EPB41L4A: variants seen among roughly 807,000 people sequenced by gnomAD.
EPB41L4A encodes the protein band 4.1-like protein 4A.
In EPB41L4A, 100 loss-of-function variants were observed where a neutral mutation model predicts 108.6. That is an observed-to-expected ratio of 0.92 (90% CI 0.78 to 1.09). EPB41L4A has a LOEUF of 1.09. EPB41L4A is among the 50% of genes least tolerant of loss of function. The pLI is 0.00. For synonymous variants in EPB41L4A, 319 were observed against 289.0 expected (o/e 1.10, Z -1.05); for missense variants, 1,030 against 842.7 (o/e 1.22, Z -2.75).
chr5:112,253,684 A>G (rs1580536434), intron 9 of EPB41L4A, among the ~76,000 whole-genome samples: 1 of 152,174 alleles, frequency 6.6e-6, no homozygotes, highest in African/African-American at 2.4e-5. Context: ...AAGCTGTTCT[A>G]AAGAGAAAGG....
At chr5:112,400,490 T>C (rs1284035776) in intron 1 of EPB41L4A, among the ~76,000 whole-genome samples, 1 of 152,090 alleles carries the variant, frequency 6.6e-6, no homozygotes, top group Non-Finnish European at 1.5e-5. Context: ...CTTTTACTGA[T>C]GGTGGAAGGC....
intron 2 of EPB41L4A, among the ~76,000 whole-genome samples, chr5:112,295,493 C>A (rs1753929837): frequency 1.3e-5 from 2 of 152,200 alleles, no homozygotes; most frequent in East Asian, 3.8e-4. Flanking sequence ...TATGCTAATT[C>A]TCCTTTCCTA....
chr5:112,297,846 A>C (rs949745231), intron 2 of EPB41L4A, among the ~76,000 whole-genome samples: 1 of 152,168 alleles, frequency 6.6e-6, no homozygotes, highest in African/African-American at 2.4e-5. Flanking sequence ...ATAAGGATCC[A>C]GTTTCATTTT....
intron 1 of EPB41L4A, among the ~76,000 whole-genome samples, chr5:112,385,482 T>C (rs1760453213): frequency 6.9e-6 from 1 of 144,612 alleles, no homozygotes; most frequent in Non-Finnish European, 1.5e-5. Flanking sequence ...GCCTCTGAAC[T>C]GCCAGCCTTC....
chr5:112,258,432 A>G (rs1368141830), intron 9 of EPB41L4A, among the ~76,000 whole-genome samples: 1 of 152,254 alleles, frequency 6.6e-6, no homozygotes, highest in Non-Finnish European at 1.5e-5. Flanking sequence ...GCACAAAGTT[A>G]GTATCAAAAA....
At chr5:112,239,632 TC>T (rs1749626804) in intron 11 of EPB41L4A, 27 bp downstream of exon 11, 19 of 1,432,400 alleles carry the variant, frequency 1.3e-5, no homozygotes, top group Non-Finnish European at 1.6e-5. Flanking sequence ...TACAAACACA[TC>T]CCCCCAAGGA....
chr5:112,245,456 G>A (rs1355121319), intron 9 of EPB41L4A, among the ~76,000 whole-genome samples: 1 of 152,178 alleles, frequency 6.6e-6, no homozygotes. Context: ...CCCAACTTAG[G>A]AGTTTATTTG....
intron 13 of EPB41L4A, among the ~76,000 whole-genome samples, chr5:112,208,276 T>A (rs1365672259): frequency 6.9e-6 from 1 of 145,028 alleles, no homozygotes; most frequent in Non-Finnish European, 1.5e-5. Flanking sequence ...CACATACACT[T>A]ACATGCTCAT....
intron 1 of EPB41L4A, among the ~76,000 whole-genome samples, chr5:112,362,726 CTAAAG>C (rs1242551849): frequency 1.3e-5 from 2 of 152,188 alleles, no homozygotes; most frequent in Non-Finnish European, 2.9e-5. Flanking sequence ...CTGAAGTTCT[CTAAAG>C]TAATCATTAA....
chr5:112,210,186 T>A (rs371996226), intron 12 of EPB41L4A: 34 of 411,848 alleles, frequency 8.3e-5, no homozygotes, highest in African/African-American at 3.5e-4. Flanking sequence ...AACATAACAA[T>A]GTCCTGGGAG....
intron 4 of EPB41L4A, among the ~76,000 whole-genome samples, chr5:112,269,825 G>A (rs960635224): frequency 6.6e-6 from 1 of 152,170 alleles, no homozygotes; most frequent in African/African-American, 2.4e-5. Flanking sequence ...TCATGAAGCA[G>A]TTTCTGGTTA....
chr5:112,361,105 G>C (rs1248003112), intron 1 of EPB41L4A, among the ~76,000 whole-genome samples: 1 of 152,228 alleles, frequency 6.6e-6, no homozygotes, highest in Non-Finnish European at 1.5e-5. Flanking sequence ...AAAAGAAAGA[G>C]AGATCGGATT....
intron 1 of EPB41L4A, chr5:112,392,677 T>G (rs1195049435): frequency 6.6e-6 from 1 of 152,154 alleles, no homozygotes; most frequent in Non-Finnish European, 1.5e-5. Flanking sequence ...ATTAGACAGA[T>G]CAATGAGACA....
At chr5:112,307,168 C>A (rs918135682) in intron 2 of EPB41L4A, among the ~76,000 whole-genome samples, 9 of 152,112 alleles carry the variant, frequency 5.9e-5, no homozygotes, top group African/African-American at 1.7e-4. Context: ...TCTGCAAAGA[C>A]GACTACACAT....
At chr5:112,213,254 G>A (rs1470978823) in intron 12 of EPB41L4A, among the ~76,000 whole-genome samples, 3 of 151,994 alleles carry the variant, frequency 2.0e-5, no homozygotes, top group African/African-American at 4.8e-5. Context: ...CACTGTAGAC[G>A]AGATAAGGTA....
intron 11 of EPB41L4A, 200 bp downstream of exon 11, chr5:112,239,460 T>C: frequency 2.6e-6 from 1 of 391,512 alleles, no homozygotes; most frequent in Admixed American, 4.5e-5. Flanking sequence ...ACAACATAGC[T>C]AATGCAGACA....
intron 1 of EPB41L4A, among the ~76,000 whole-genome samples, chr5:112,349,466 AC>A: frequency 6.6e-6 from 1 of 152,296 alleles, no homozygotes; most frequent in South Asian, 2.1e-4. Context: ...GAGTGGGAAG[AC>A]CAGGATACCA....
chr5:112,287,494 T>C (rs1014031298), intron 2 of EPB41L4A, among the ~76,000 whole-genome samples: 1 of 152,264 alleles, frequency 6.6e-6, no homozygotes, highest in Admixed American at 6.5e-5. Context: ...ACTCTTTTAA[T>C]AGTATCCTTG....
chr5:112,385,961 A>G (rs1760496459), intron 1 of EPB41L4A, among the ~76,000 whole-genome samples: 1 of 152,222 alleles, frequency 6.6e-6, no homozygotes, highest in Admixed American at 6.5e-5. Flanking sequence ...AATAGTTGTG[A>G]GCTCATTGTT....
Sources: gnomAD v4.1 joint callset for allele counts (sites outside exome capture counted in the v4.1 genomes callset) on GRCh38, gnomAD v4.1.1 for gene constraint, MANE v1.5 for transcripts, NCBI Gene and HGNC (gene_info 2026-07-23, HGNC 2026-07-21) for gene names.